The following MYOM2 variants were observed in gnomAD, a reference collection of about 807,000 sequenced individuals.
MYOM2 encodes the protein myomesin 2.
In MYOM2, 254 loss-of-function variants were observed where a neutral mutation model predicts 187.6. The ratio of observed to expected loss-of-function variants is 1.35; its 90% CI spans 1.22 to 1.50. The LOEUF is 1.50. MYOM2 is among the 40% of genes most tolerant of loss of function. The pLI is 0.00. For missense variants in MYOM2, 2,796 were observed against 1,924.0 expected, an observed-to-expected ratio of 1.45 and a Z score of -8.48; for synonymous variants, 981 against 753.8, an observed-to-expected ratio of 1.30 and a Z score of -4.94.
chr8:2,092,898 G>T (rs186588388), intron 16 of MYOM2, among the ~76,000 whole-genome samples: 2 of 151,876 alleles, frequency 1.3e-5, no homozygotes, highest in South Asian at 4.2e-4. Flanking sequence ...CTTTGTTCAT[G>T]TGCCTGGTAG....
In MYOM2 at chr8:2,134,786, A is replaced by G. The variant is rs74359918; in HGVS notation, c.3800+5554A>G. On this transcript the variant is annotated intron_variant, in intron 32 of 36. Coordinates refer to ENST00000262113, the MANE Select transcript of MYOM2 (RefSeq NM_003970.4). ...TGCTTTTTCCAGTGTGTGTGCCTGC[A>G]TCTTCTTAGGAGCAATGCCTTATTT... 7.7e-3 allele frequency among the ~76,000 whole-genome samples: 1,170 copies of G among 152,160 alleles called. 34 individuals carry two copies. In the East Asian group the frequency reaches 0.08, roughly 10 times the overall value.
At chr8:2,083,169 A>G (rs2116690616) in intron 13 of MYOM2, among the ~76,000 whole-genome samples, 1 of 152,372 alleles carries the variant, frequency 6.6e-6, no homozygotes, top group South Asian at 2.1e-4. Context: ...ATAATAATAC[A>G]AAAAGCATGT....
chr8:2,144,716 G>T lies in MYOM2; in HGVS notation c.4133G>T (p.Trp1378Leu), dbSNP rs140277337. The change falls in exon 37 of 37, where the codon TGG becomes TTG. Residue 1378 changes from tryptophan (W) to leucine (L), a missense_variant. Trp to Leu is a moderately conservative substitution (Grantham distance 61, BLOSUM62 -2). Coordinates refer to ENST00000262113, the MANE Select transcript of MYOM2 (RefSeq NM_003970.4). ...VFGNPDPEVI[W>L]FKNDQDIQLS... is the part of the protein sequence containing the mutation. ...GGAAACCCTGACCCCGAAGTGATTT[G>T]GTTCAAGAACGACCAGGACATCCAG... 6.0e-4 allele frequency: 963 copies of T among 1,614,006 alleles called. 5 individuals carry two copies. Among genetic ancestry groups the T allele is most frequent in the South Asian group, 1.6e-3 (143 of 91,064 alleles).
Position 2,106,555 on chromosome 8 carries a change from G to T in MYOM2, c.2956G>T (p.Asp986Tyr). 2 of 1,611,032 alleles carry T rather than the reference G, an allele frequency of 1.2e-6. No individual in the cohort carries two copies. Among genetic ancestry groups the T allele is most frequent in the Non-Finnish European group, 1.7e-6 (2 of 1,177,340 alleles). The change falls in exon 23 of 37, where the codon GAT (aspartate) becomes TAT (tyrosine). Residue 986 changes from aspartate to tyrosine, a missense_variant. Coordinates refer to ENST00000262113, the MANE Select transcript of MYOM2 (RefSeq NM_003970.4). ...AGGGACTTACTCCGTGTCTGTAAGT[G>T]ATACAGACGGAGTGTCCTCCAGTTT... ...DLGTYSVSVS[D>Y]TDGVSSSFVL...
At chr8:2,088,939 T>C (rs1203020390) in intron 14 of MYOM2, among the ~76,000 whole-genome samples, 1 of 152,228 alleles carries the variant, frequency 6.6e-6, no homozygotes, top group Non-Finnish European at 1.5e-5. Context: ...AGCTCTCCTA[T>C]AGACACCTGG....
chr8:2,077,342 A>G lies in MYOM2; in HGVS notation c.1262+1060A>G, dbSNP rs557318591. On this transcript the variant is annotated intron_variant, in intron 11 of 36. Coordinates refer to ENST00000262113, the MANE Select transcript of MYOM2 (RefSeq NM_003970.4). ...ACAAAACAAAACAAAAAACAAAAAA[A>G]CAAAACAAAAAAACCACAAAGGATG... 2.0e-5 allele frequency among the ~76,000 whole-genome samples: 3 copies of G among 152,280 alleles called. No homozygotes were observed. The South Asian group carries it at 6.2e-4, about 32-fold the overall frequency.
chr8:2,063,045 G>T (rs767158781), intron 6 of MYOM2, among the ~76,000 whole-genome samples: 4 of 152,156 alleles, frequency 2.6e-5, no homozygotes, highest in South Asian at 2.1e-4. Context: ...GATTTTGCTT[G>T]CATATGCAAA....
intron 17 of MYOM2, 113 bp from the exon 18 acceptor site, chr8:2,096,134 A>T: frequency 1.0e-6 from 1 of 970,442 alleles, no homozygotes; most frequent in Non-Finnish European, 1.6e-6. Context: ...CACAGTGTTC[A>T]GGCCCGTCTC....
chr8:2,105,844 C>T (rs1796869502), intron 21 of MYOM2, among the ~76,000 whole-genome samples: 1 of 152,148 alleles, frequency 6.6e-6, no homozygotes, highest in Non-Finnish European at 1.5e-5. Flanking sequence ...AGTCCGTTCT[C>T]ACGCTGGTAT....
chr8:2,101,710 C>T (rs1470322827), intron 20 of MYOM2, among the ~76,000 whole-genome samples: 1 of 152,056 alleles, frequency 6.6e-6, no homozygotes, highest in South Asian at 2.1e-4. Flanking sequence ...GTGTGCTTTC[C>T]AAAGGGATGG....
intron 6 of MYOM2, among the ~76,000 whole-genome samples, chr8:2,059,878 G>T (rs960012578): frequency 1.3e-5 from 2 of 151,962 alleles, no homozygotes; most frequent in African/African-American, 4.8e-5. Flanking sequence ...CAGTAGTGGG[G>T]ATTACAGACA....
intron 2 of MYOM2, among the ~76,000 whole-genome samples, chr8:2,051,283 T>G (rs770754193): frequency 2.0e-5 from 3 of 152,084 alleles, no homozygotes; most frequent in Non-Finnish European, 2.9e-5. Context: ...GAGGCAATAT[T>G]AGTGATTTGG....
intron 8 of MYOM2, among the ~76,000 whole-genome samples, chr8:2,072,062 C>G (rs529020305): frequency 6.6e-6 from 1 of 152,320 alleles, no homozygotes; most frequent in South Asian, 2.1e-4. Context: ...ACGGGTGTTC[C>G]ATGCTGTGGG....
chr8:2,100,826 G>T (rs1211121924), intron 19 of MYOM2, 50 bp from the exon 20 acceptor site: 2 of 1,599,008 alleles, frequency 1.3e-6, no homozygotes. Flanking sequence ...GGCGGTGGGT[G>T]TGCTGGACTG....
At chr8:2,113,148 T>C (rs1389657251) in intron 25 of MYOM2, among the ~76,000 whole-genome samples, 4 of 152,202 alleles carry the variant, frequency 2.6e-5, no homozygotes, top group Non-Finnish European at 5.9e-5. Flanking sequence ...AGGCCGGGCA[T>C]CCACACTCCC....
rs1269766589 is a variant in MYOM2, at chr8:2,098,876, G to C, written c.2333G>C (p.Gly778Ala). The change falls in exon 19 of 37, where the codon GGC (glycine) becomes GCC (alanine). Residue 778 changes from glycine to alanine, a missense_variant. Physicochemically the swap from Gly to Ala is moderately conservative, Grantham distance 60. Coordinates refer to ENST00000262113, the MANE Select transcript of MYOM2 (RefSeq NM_003970.4). Reference protein sequence around the residue: ...TILTVDGLTEGSLYEFKIAAV... With the variant: ...TILTVDGLTEASLYEFKIAAV... ...GAATAGGTGGACGGCTTGACGGAAG[G>C]CTCACTCTACGAGTTCAAAATCGCC... 6.2e-7 allele frequency: 1 copy of C among 1,612,918 alleles called. No individual in the cohort carries two copies.
At chr8:2,063,688 A>G (rs545424149) in intron 6 of MYOM2, among the ~76,000 whole-genome samples, 1 of 152,178 alleles carries the variant, frequency 6.6e-6, no homozygotes, top group African/African-American at 2.4e-5. Flanking sequence ...CGTCATCACC[A>G]CTTATAATTT....
chr8:2,126,901 G>A (rs577835421), intron 31 of MYOM2, among the ~76,000 whole-genome samples: 1 of 148,616 alleles, frequency 6.7e-6, no homozygotes, highest in African/African-American at 2.5e-5. Flanking sequence ...GGCTGATGGA[G>A]GCTGGGGGAG....
rs368551401 is a variant in MYOM2 at position 2,085,271 on chromosome 8, C to T, written c.1525C>T (p.Gln509Ter). The T allele has an allele frequency of 6.2e-7, 1 of 1,613,884 alleles. No homozygotes were observed. The highest frequency in any genetic ancestry group is 8.5e-7 in the Non-Finnish European group (1 of 1,179,958). The stretch of plus-strand genomic sequence containing the variant: ...ATTTATTATTCCTCCAGGTGACGCC[C>T]AGGTTCCAGGGCCTCCCACCGGTGT... ...IYQDDLEGDA[Q>*]VPGPPTGVHA... is the part of the protein sequence containing the mutation. The change falls in exon 14 of 37, where the codon CAG (glutamine) becomes TAG (stop). Residue 509 changes from glutamine to a stop codon, truncating the protein, a stop_gained. Transcript: ENST00000262113. LOFTEE classifies it high-confidence loss of function.
Sources: allele counts gnomAD v4.1 joint callset (sites outside exome capture counted in the v4.1 genomes callset), GRCh38; gene constraint gnomAD v4.1.1; transcripts MANE v1.5; gene names NCBI Gene and HGNC (gene_info 2026-07-23, HGNC 2026-07-21).